Variants in FHIT observed in about 807,000 individuals in gnomAD.
The protein encoded by FHIT is fragile histidine triad diadenosine triphosphatase.
A neutral mutation model predicts 17.9 loss-of-function variants in FHIT; 19 were observed. That is an observed-to-expected ratio of 1.06 (90% CI 0.74 to 1.56). The LOEUF (loss-of-function observed/expected upper bound fraction) is 1.56, where lower values mean the gene tolerates loss of function less well. FHIT is among the 40% of genes most tolerant of loss of function. The pLI is 0.00. For synonymous variants in FHIT, 81 were observed against 69.7 expected, an observed-to-expected ratio of 1.16 and a Z score of -0.81; for missense variants, 248 against 189.2, an observed-to-expected ratio of 1.31 and a Z score of -1.82.
At chr3:60,370,019 A>C (rs1452227680) in intron 5 of FHIT, among the ~76,000 whole-genome samples, 1 of 152,248 alleles carries the variant, frequency 6.6e-6, no homozygotes, top group Non-Finnish European at 1.5e-5. Context: ...TATCTGTATT[A>C]TCCTAATAGA....
At chr3:60,246,910 A>G (rs1705424818) in intron 5 of FHIT, among the ~76,000 whole-genome samples, 1 of 152,168 alleles carries the variant, frequency 6.6e-6, no homozygotes, top group South Asian at 2.1e-4. Flanking sequence ...TTAGAATGAC[A>G]ATATAGGGCT....
chr3:61,008,976 A>G (rs1312276072), intron 3 of FHIT, among the ~76,000 whole-genome samples: 2 of 152,192 alleles, frequency 1.3e-5, no homozygotes, highest in Non-Finnish European at 2.9e-5. Context: ...CAGCTACTCG[A>G]TAGTTCACAC....
At chr3:59,790,151 G>C (rs1300022036) in intron 8 of FHIT, among the ~76,000 whole-genome samples, 1 of 152,174 alleles carries the variant, frequency 6.6e-6, no homozygotes, top group African/African-American at 2.4e-5. Context: ...GTACAAAATA[G>C]TATAATTACT....
At chr3:59,804,742 C>T (rs1354887627) in intron 8 of FHIT, among the ~76,000 whole-genome samples, 1 of 152,204 alleles carries the variant, frequency 6.6e-6, no homozygotes, top group Non-Finnish European at 1.5e-5. Context: ...CCTGCAGACC[C>T]TATTTTCCTG....
intron 5 of FHIT, among the ~76,000 whole-genome samples, chr3:60,334,352 T>A (rs1282144043): frequency 6.6e-6 from 1 of 152,178 alleles, no homozygotes; most frequent in Non-Finnish European, 1.5e-5. Flanking sequence ...CTCAGACCAA[T>A]TTTAAAGGAG....
chr3:60,746,441 G>A (rs906477499), intron 4 of FHIT, among the ~76,000 whole-genome samples: 34 of 152,210 alleles, frequency 2.2e-4, no homozygotes, highest in African/African-American at 8.2e-4. Context: ...GGCTTCAGGA[G>A]CGACAGCAGC....
chr3:60,402,699 GCAC>G (rs1701710322), intron 5 of FHIT, among the ~76,000 whole-genome samples: 2 of 152,098 alleles, frequency 1.3e-5, no homozygotes, highest in Admixed American at 1.3e-4. Flanking sequence ...TAATAAAGTA[GCAC>G]TAGCACTCAT....
rs552362600 is a variant in FHIT, at chr3:60,237,910, T to C, written c.104-223758A>G. Among the ~76,000 whole-genome samples, 183 of 151,716 alleles carry C rather than the reference T, an allele frequency of 1.2e-3. 4 individuals are homozygous for C. Among genetic ancestry groups the C allele is most frequent in the South Asian group, 0.011 (53 of 4,812 alleles). The stretch of plus-strand genomic sequence containing the variant: ...CAGTACTTTGGGAGGCCGAGGCGGG[T>C]GGATCACCTGAGGTCAGGAGTATGA... On this transcript the variant is annotated intron_variant, in intron 5 of 9. Transcript: ENST00000492590.
chr3:61,201,635 T>A (rs1368478488), intron 1 of FHIT, among the ~76,000 whole-genome samples: 1 of 152,138 alleles, frequency 6.6e-6, no homozygotes, highest in South Asian at 2.1e-4. Flanking sequence ...TTACCACTGA[T>A]GCATGACCAC....
chr3:59,918,227 A>T (rs1303302968), intron 8 of FHIT, among the ~76,000 whole-genome samples: 4 of 151,992 alleles, frequency 2.6e-5, no homozygotes, highest in African/African-American at 2.4e-5. Context: ...GTTTTTTTTT[A>T]AATGTGTTCA....
chr3:61,207,998 G>T (rs1417085446), intron 1 of FHIT, among the ~76,000 whole-genome samples: 2 of 152,080 alleles, frequency 1.3e-5, no homozygotes, highest in Non-Finnish European at 2.9e-5. Context: ...GGGTCCAAGA[G>T]ATTCTGGTAT....
chr3:60,421,380 A>G (rs1249846255), intron 5 of FHIT, among the ~76,000 whole-genome samples: 1 of 152,086 alleles, frequency 6.6e-6, no homozygotes, highest in Non-Finnish European at 1.5e-5. Context: ...ATTTAGTTCA[A>G]TCGATAAACA....
At chr3:60,953,952 G>A (rs1187278999) in intron 3 of FHIT, among the ~76,000 whole-genome samples, 2 of 152,130 alleles carry the variant, frequency 1.3e-5, no homozygotes, top group Non-Finnish European at 2.9e-5. Context: ...AATCAACCAC[G>A]AAGGATAAAC....
In FHIT at chr3:61,155,328, C is replaced by T. The variant is rs190992607; in HGVS notation, c.-164+45289G>A. Among the ~76,000 whole-genome samples the T allele has an allele frequency of 2.9e-3, 435 of 152,174 alleles. 2 individuals are homozygous for T. The highest frequency in any genetic ancestry group is 4.8e-3 in the Non-Finnish European group (326 of 67,996). On this transcript the variant is annotated intron_variant, in intron 2 of 9. Transcript: ENST00000492590. ...TGCTACAGCCCTAAAAAAACAGATG[C>T]TAAATAATAATTGATTGAATTAAAC... is the stretch of plus-strand genomic sequence containing the variant.
chr3:61,091,198 G>A (rs757652671), intron 2 of FHIT, among the ~76,000 whole-genome samples: 16 of 152,058 alleles, frequency 1.1e-4, no homozygotes, highest in South Asian at 2.1e-4. Flanking sequence ...CCACTCTTGC[G>A]ATAAAAAAAT....
At chr3:60,921,236 C>T (rs571673323) in intron 3 of FHIT, among the ~76,000 whole-genome samples, 3 of 152,146 alleles carry the variant, frequency 2.0e-5, no homozygotes, top group Non-Finnish European at 4.4e-5. Flanking sequence ...ATGCATGGGC[C>T]GTATTGAACC....
At chr3:59,774,549 T>TCCTC (rs1702217802) in intron 8 of FHIT, among the ~76,000 whole-genome samples, 1 of 152,210 alleles carries the variant, frequency 6.6e-6, no homozygotes, top group Admixed American at 6.5e-5. Context: ...TATGTGAACT[T>TCCTC]CCTTAAATAG....
rs150331611 is a variant in FHIT at position 60,328,651 on chromosome 3, C to T, written c.103+208209G>A. On this transcript the variant is annotated intron_variant, in intron 5 of 9. Coordinates refer to ENST00000492590, the MANE Select transcript of FHIT (RefSeq NM_002012.4). ...GGGGACACAGCCAAACCATATCAAT[C>T]ATCCTACTGAGTACAGAAATGAAAA... Among the ~76,000 whole-genome samples the T allele has an allele frequency of 1.1e-3, 162 of 152,260 alleles. 1 individual carries two copies. The highest frequency in any genetic ancestry group is 3.8e-3 in the African/African-American group (156 of 41,552).
At chr3:59,895,001 C>T (rs556399714) in intron 8 of FHIT, among the ~76,000 whole-genome samples, 1 of 152,318 alleles carries the variant, frequency 6.6e-6, no homozygotes, top group Admixed American at 6.5e-5. Context: ...GGAATTAGGG[C>T]AGGGGTTCTC....
Sources: gnomAD v4.1 joint callset for allele counts (sites outside exome capture counted in the v4.1 genomes callset) on GRCh38, gnomAD v4.1.1 for gene constraint, MANE v1.5 for transcripts, NCBI Gene and HGNC (gene_info 2026-07-23, HGNC 2026-07-21) for gene names.